Variants in RIN3 observed in about 807,000 individuals in gnomAD.
RIN3 encodes the protein RAB5 interacting protein 3.
RIN3 carries 54 observed loss-of-function variants against 76.3 expected under a neutral mutation model. The observed-to-expected ratio is 0.71, with a 90% CI of 0.57 to 0.89. RIN3 has a LOEUF of 0.89. Among genes scored for constraint, RIN3 ranks in the 40% least tolerant of loss-of-function variants. RIN3 has a pLI of 0.00. For missense variants in RIN3, 1,256 were observed against 1,322.1 expected, an observed-to-expected ratio of 0.95 and a Z score of 0.78; for synonymous variants, 576 against 564.0, an observed-to-expected ratio of 1.02 and a Z score of -0.30.
At chr14:92,560,958 T>A (rs976797725) in intron 2 of RIN3, among the ~76,000 whole-genome samples, 4 of 141,296 alleles carry the variant, frequency 2.8e-5, no homozygotes, top group African/African-American at 5.3e-5. Flanking sequence ...AAGGCAGAGG[T>A]TGCAGTGAGC....
chr14:92,665,954 G>C (rs12895078), intron 7 of RIN3, among the ~76,000 whole-genome samples: 63,821 of 151,694 alleles, frequency 0.42, 14,076 homozygotes, highest in East Asian at 0.54. Flanking sequence ...CCGAGGTGTG[G>C]TATGCAGCCC....
chr14:92,544,372 A>G (rs565365849), intron 1 of RIN3, among the ~76,000 whole-genome samples: 105 of 124,392 alleles, frequency 8.4e-4, no homozygotes, highest in African/African-American at 3.0e-3. Context: ...TTTGTCTCCA[A>G]TGACCTTCTC....
At chr14:92,543,492 A>G (rs1897171847) in intron 1 of RIN3, among the ~76,000 whole-genome samples, 1 of 152,006 alleles carries the variant, frequency 6.6e-6, no homozygotes, top group African/African-American at 2.4e-5. Context: ...TCAAAAGCCT[A>G]TTGTTAACTA....
At chr14:92,561,293 A>G (rs1897772366) in intron 2 of RIN3, among the ~76,000 whole-genome samples, 1 of 151,240 alleles carries the variant, frequency 6.6e-6, no homozygotes, top group South Asian at 2.1e-4. Flanking sequence ...GCTGGTGCTC[A>G]GGCTAGGGAT....
intron 7 of RIN3, among the ~76,000 whole-genome samples, chr14:92,664,666 G>A (rs1000058754): frequency 3.3e-5 from 5 of 151,932 alleles, no homozygotes; most frequent in African/African-American, 4.8e-5. Context: ...CACTGAGCCC[G>A]GCCATTCATC....
intron 1 of RIN3, among the ~76,000 whole-genome samples, chr14:92,546,423 T>C (rs182530741): frequency 6.6e-6 from 1 of 152,346 alleles, no homozygotes; most frequent in East Asian, 1.9e-4. Flanking sequence ...GATTAATGTT[T>C]ACTATAGCCA....
At chr14:92,633,698 T>C (rs1463928273) in intron 4 of RIN3, among the ~76,000 whole-genome samples, 1 of 152,188 alleles carries the variant, frequency 6.6e-6, no homozygotes, top group African/African-American at 2.4e-5. Context: ...AATTGGAGAA[T>C]TGATTGCTAG....
At chr14:92,617,274 T>G (rs1291913486) in intron 4 of RIN3, among the ~76,000 whole-genome samples, 1 of 151,902 alleles carries the variant, frequency 6.6e-6, no homozygotes, top group Non-Finnish European at 1.5e-5. Context: ...CACCCCAGCA[T>G]GGGCAACAAG....
At chr14:92,631,541 C>T (rs776733463) in intron 4 of RIN3, among the ~76,000 whole-genome samples, 1 of 152,162 alleles carries the variant, frequency 6.6e-6, no homozygotes, top group Non-Finnish European at 1.5e-5. Context: ...ACTACAGACT[C>T]CTCCCAGGAG....
intron 4 of RIN3, among the ~76,000 whole-genome samples, chr14:92,628,232 C>A (rs1043042029): frequency 1.3e-5 from 2 of 152,192 alleles, no homozygotes; most frequent in Non-Finnish European, 2.9e-5. Flanking sequence ...ACTATTTGTT[C>A]TTAACAACGG....
At chr14:92,528,503 A>G (rs1169625411) in intron 1 of RIN3, among the ~76,000 whole-genome samples, 2 of 152,050 alleles carry the variant, frequency 1.3e-5, no homozygotes, top group East Asian at 1.9e-4. Context: ...CGTTGTTTCC[A>G]TGGTCTTCTG....
intron 4 of RIN3, among the ~76,000 whole-genome samples, chr14:92,632,765 G>A (rs982052894): frequency 2.6e-5 from 4 of 152,152 alleles, no homozygotes; most frequent in Non-Finnish European, 5.9e-5. Context: ...GTGATGTTGC[G>A]AGCCAGGCAA....
chr14:92,584,755 G>T (rs1884706381), intron 3 of RIN3, among the ~76,000 whole-genome samples: 1 of 152,214 alleles, frequency 6.6e-6, no homozygotes, highest in Admixed American at 6.5e-5. Context: ...CACCTGGCCA[G>T]GAGGACACTA....
At chr14:92,552,827 G>A (rs550718748) in intron 1 of RIN3, among the ~76,000 whole-genome samples, 158 of 151,838 alleles carry the variant, frequency 1.0e-3, no homozygotes, top group Non-Finnish European at 1.5e-3. Context: ...TTTATTGCCC[G>A]CCTCTTCCCC....
chr14:92,596,353 T>C (rs2140082968), intron 3 of RIN3, among the ~76,000 whole-genome samples: 1 of 152,362 alleles, frequency 6.6e-6, no homozygotes, highest in Admixed American at 6.5e-5. Context: ...TTGGCCCGTC[T>C]GTCTTCATAA....
chr14:92,582,781 C>G (rs1049558516), intron 3 of RIN3, among the ~76,000 whole-genome samples: 3 of 152,136 alleles, frequency 2.0e-5, no homozygotes. Context: ...CTCCATTGCT[C>G]TCCAAACCTC....
chr14:92,679,195 CCAGCCCTTTTGTCAGA>C (rs1888580335), intron 8 of RIN3, among the ~76,000 whole-genome samples: 1 of 152,252 alleles, frequency 6.6e-6, no homozygotes. Flanking sequence ...CTGCCTGCAT[CCAGCCCTTTTGTCAGA>C]CTTGAGTAGG....
At position 92,623,259 on chromosome 14, in the gene RIN3, T is replaced by C. The variant is rs1200478285; in HGVS notation, c.440+7780T>C. On this transcript the variant is annotated intron_variant, in intron 4 of 9. Transcript: ENST00000216487. The surrounding 1 kb of genome is among the most constrained non-coding windows in gnomAD (Gnocchi z 4.9). ...GGAGCTGTATTGTTGGGAATGTAGGTGCAGCATTGGGTTCCTATCATAACA... is the reference window on the plus strand; with the variant it reads ...GGAGCTGTATTGTTGGGAATGTAGGCGCAGCATTGGGTTCCTATCATAACA... Among the ~76,000 whole-genome samples, 1 of 152,226 alleles carries C rather than the reference T, an allele frequency of 6.6e-6. No individual in the cohort carries two copies. Among genetic ancestry groups the C allele is most frequent in the Admixed American group, 6.5e-5 (1 of 15,294 alleles).
intron 3 of RIN3, among the ~76,000 whole-genome samples, chr14:92,581,967 G>A (rs1015113932): frequency 6.6e-6 from 1 of 152,188 alleles, no homozygotes; most frequent in African/African-American, 2.4e-5. Context: ...GCTGAAGGCA[G>A]GCAGGGTGAT....
Sources: allele counts gnomAD v4.1 joint callset (sites outside exome capture counted in the v4.1 genomes callset), GRCh38; gene constraint gnomAD v4.1.1; non-coding constraint Gnocchi (gnomAD v3.1); transcripts MANE v1.5; gene names NCBI Gene and HGNC (gene_info 2026-07-23, HGNC 2026-07-21).